EIF2AK3: variants seen among roughly 807,000 people sequenced by gnomAD.
The protein encoded by EIF2AK3 is eukaryotic translation initiation factor 2-alpha kinase 3.
A neutral mutation model predicts 113.5 loss-of-function variants in EIF2AK3; 50 were observed. The ratio of observed to expected loss-of-function variants is 0.44; its 90% CI spans 0.35 to 0.56. The LOEUF (loss-of-function observed/expected upper bound fraction) is 0.56, where lower values mean the gene tolerates loss of function less well. Ranked by LOEUF, EIF2AK3 falls within the 20% of genes least tolerant of loss-of-function variation. The pLI is 0.00. For synonymous variants in EIF2AK3, 448 were observed against 495.4 expected, an observed-to-expected ratio of 0.90 and a Z score of 1.27; for missense variants, 1,185 against 1,378.0, an observed-to-expected ratio of 0.86 and a Z score of 2.22.
rs535673886 is a variant in EIF2AK3, at chr2:88,583,601, A to G, written c.1651-59T>C. On this transcript the variant is annotated intron_variant, in intron 9 of 16. Coordinates refer to ENST00000303236, the MANE Select transcript of EIF2AK3 (RefSeq NM_004836.7). The stretch of plus-strand genomic sequence containing the variant: ...CAAAGCTGAACTGAAGTTAGCTAAC[A>G]ATTTTAGGTTATAAAATAAACAACA... 6 of 1,190,614 alleles carry G rather than the reference A, an allele frequency of 5.0e-6. No homozygotes were observed. In the East Asian group the frequency reaches 1.2e-4, roughly 23 times the overall value. The allele number at this position is 1,190,614 out of a possible 1,614,324, so 73.8% of individuals were successfully genotyped here. A position where few individuals can be genotyped will look rare whatever the true frequency, so the allele number is the denominator to read the frequency against.
chr2:88,590,826 C>G lies in EIF2AK3; in HGVS notation c.994G>C (p.Glu332Gln), dbSNP rs121908570. Residue 332 changes from glutamate (E) to glutamine (Q), a missense_variant, in exon 5 of 17, where the codon GAG becomes CAG. Physicochemically the swap from Glu to Gln is conservative, Grantham distance 29. Transcript: ENST00000303236. The part of the protein sequence containing the change: ...FSKKGGHLEW[E>Q]YQFCTPIASA... ...TCAGTGGTGTTAGGTACCTGGTACT[C>G]CCATTCCAGATGTCCTCCCTTCTTA... 1 of 1,613,972 alleles carries G rather than the reference C, an allele frequency of 6.2e-7. No homozygotes were observed. Among genetic ancestry groups the G allele is most frequent in the East Asian group, 2.2e-5 (1 of 44,850 alleles).
chr2:88,589,841 T>C (rs905776115), intron 6 of EIF2AK3, among the ~76,000 whole-genome samples: 1 of 152,026 alleles, frequency 6.6e-6, no homozygotes, highest in African/African-American at 2.4e-5. Flanking sequence ...GTGCCACCAT[T>C]CTTGGCTAAT....
intron 14 of EIF2AK3, among the ~76,000 whole-genome samples, chr2:88,569,929 T>C (rs144837010): frequency 7.3e-4 from 111 of 152,310 alleles, no homozygotes; most frequent in African/African-American, 1.9e-3. Flanking sequence ...CTGCAACAGA[T>C]TGAACACAAA....
intron 1 of EIF2AK3, among the ~76,000 whole-genome samples, chr2:88,622,930 T>C (rs1675767344): frequency 6.6e-6 from 1 of 152,230 alleles, no homozygotes; most frequent in Admixed American, 6.5e-5. Context: ...TGCAAATATT[T>C]TCATGTTATC....
chr2:88,576,826 T>C, intron 11 of EIF2AK3, 123 bp from the exon 12 acceptor site: 1 of 1,085,402 alleles, frequency 9.2e-7, no homozygotes, highest in South Asian at 1.6e-5. Context: ...AAAAGGAAAA[T>C]TAAAGAAATA....
intron 11 of EIF2AK3, among the ~76,000 whole-genome samples, chr2:88,577,822 C>G (rs959028873): frequency 1.3e-5 from 2 of 152,198 alleles, no homozygotes; most frequent in African/African-American, 4.8e-5. Flanking sequence ...TTGGCCATCC[C>G]TCCCCACCTG....
chr2:88,601,841 T>TC (rs979539072), intron 2 of EIF2AK3, among the ~76,000 whole-genome samples: 10 of 147,208 alleles, frequency 6.8e-5, no homozygotes, highest in East Asian at 2.0e-4. Context: ...TTTCTTTTTT[T>TC]TTTTTTTTTT....
rs983276720 is a variant in EIF2AK3, at chr2:88,608,346, C to G, written c.438+5378G>C. 3.5e-4 allele frequency among the ~76,000 whole-genome samples: 53 copies of G among 152,028 alleles called. 2 individuals are homozygous for G. The highest frequency in any genetic ancestry group is 2.9e-5 in the Non-Finnish European group (2 of 68,004). ...GTAGCTGGGACGACTACTCAGGAGG[C>G]ACGTGCCACTGTGCCCAACTTTCAT... On this transcript the variant is annotated intron_variant, in intron 2 of 16. Coordinates refer to ENST00000303236, the MANE Select transcript of EIF2AK3 (RefSeq NM_004836.7).
intron 2 of EIF2AK3, among the ~76,000 whole-genome samples, chr2:88,610,855 G>C (rs922722484): frequency 8.6e-5 from 13 of 151,928 alleles, no homozygotes; most frequent in African/African-American, 3.1e-4. Context: ...CCAGGGGTTC[G>C]AGACCAGCCT....
intron 2 of EIF2AK3, among the ~76,000 whole-genome samples, chr2:88,608,788 A>C (rs1181354441): frequency 1.5e-5 from 2 of 135,638 alleles, no homozygotes; most frequent in African/African-American, 2.8e-5. Flanking sequence ...ACTCACCGCA[A>C]CCTCCGTCTC....
intron 1 of EIF2AK3, among the ~76,000 whole-genome samples, chr2:88,624,195 G>A (rs756969756): frequency 6.6e-6 from 1 of 152,140 alleles, no homozygotes; most frequent in Non-Finnish European, 1.5e-5. Context: ...GTTTCATCAT[G>A]TTGGCCAGGC....
chr2:88,579,939 C>T, intron 10 of EIF2AK3: 1 of 311,400 alleles, frequency 3.2e-6, no homozygotes, highest in East Asian at 8.2e-5. Flanking sequence ...CTGTCCAATA[C>T]TTCCTATCAT....
At chr2:88,593,170 G>T in intron 4 of EIF2AK3, 102 bp downstream of exon 4, 1 of 1,412,468 alleles carries the variant, frequency 7.1e-7, no homozygotes, top group Non-Finnish European at 9.9e-7. Context: ...ATGCTTTTAA[G>T]GCAACAAAAT....
chr2:88,573,654 C>A (rs990662622), intron 13 of EIF2AK3, among the ~76,000 whole-genome samples: 16 of 152,084 alleles, frequency 1.1e-4, no homozygotes, highest in African/African-American at 3.9e-4. Context: ...GACTAAATAA[C>A]AATTATATTA....
At position 88,570,915 on chromosome 2, in the gene EIF2AK3, T is replaced by C; in HGVS notation, c.2944A>G (p.Thr982Ala). 6.2e-7 allele frequency: 1 copy of C among 1,614,124 alleles called. No homozygotes were observed. ...LTPMPAYARHTGQVGTKLYMS... is the reference protein window; with the variant it reads ...LTPMPAYARHAGQVGTKLYMS... ...TACAGTTTGGTCCCTACTTGTCCTGTGTGTCTGGCATAAGCTGGCATTGGG... is the reference window on the plus strand; with the variant it reads ...TACAGTTTGGTCCCTACTTGTCCTGCGTGTCTGGCATAAGCTGGCATTGGG... Residue 982 changes from threonine (T) to alanine (A), a missense_variant, in exon 14 of 17, where the codon ACA becomes GCA. Coordinates refer to ENST00000303236, the MANE Select transcript of EIF2AK3 (RefSeq NM_004836.7).
At chr2:88,559,244 A>G (rs1351670918) in intron 15 of EIF2AK3, among the ~76,000 whole-genome samples, 1 of 152,218 alleles carries the variant, frequency 6.6e-6, no homozygotes, top group Non-Finnish European at 1.5e-5. Flanking sequence ...AAAATATTTA[A>G]AAAATTTAAA....
chr2:88,609,945 CAAA>C (rs71378880), intron 2 of EIF2AK3, among the ~76,000 whole-genome samples: 3 of 38,800 alleles, frequency 7.7e-5, no homozygotes, highest in Admixed American at 3.3e-4. Flanking sequence ...TCCATCTCTA[CAAA>C]AAAAAAAAAA....
At chr2:88,562,452 G>A in intron 14 of EIF2AK3, 62 bp from the exon 15 acceptor site, 1 of 1,352,004 alleles carries the variant, frequency 7.4e-7, no homozygotes, top group Non-Finnish European at 1.1e-6. Context: ...TGATATTACA[G>A]CATTATTGAA....
In EIF2AK3 at chr2:88,574,990, G is replaced by A; in HGVS notation, c.2493C>T (p.Asn831=). The A allele has an allele frequency of 6.2e-7, 1 of 1,614,180 alleles. No homozygotes were observed. Among genetic ancestry groups the A allele is most frequent in the Non-Finnish European group, 8.5e-7 (1 of 1,180,018 alleles). ...AAGCAGTTAGTTTATTAGCACAATG[G>A]TTGCCAATATGCAATCGATTAGTTT... ...EPKTNRLHIG[N]HCANKLTAFK... is the part of the protein sequence containing the mutation. The change falls in exon 13 of 17, where the codon AAC becomes AAT. Residue 831 remains asparagine, a synonymous_variant. Coordinates refer to ENST00000303236, the MANE Select transcript of EIF2AK3 (RefSeq NM_004836.7).
Sources: allele counts gnomAD v4.1 joint callset (sites outside exome capture counted in the v4.1 genomes callset), GRCh38; gene constraint gnomAD v4.1.1; transcripts MANE v1.5; gene names NCBI Gene and HGNC (gene_info 2026-07-23, HGNC 2026-07-21).